NUAK1: variants seen among roughly 807,000 people sequenced by gnomAD.
NUAK1 encodes the protein NUAK family SNF1-like kinase 1.
Under a neutral mutation model 56.9 loss-of-function variants are expected in NUAK1, and 26 were observed. That is an observed-to-expected ratio of 0.46 (90% CI 0.33 to 0.63). NUAK1 has a LOEUF of 0.63. NUAK1 is among the 30% of genes least tolerant of loss of function. NUAK1 has a pLI of 0.02. For synonymous variants in NUAK1, 337 were observed against 336.0 expected (o/e 1.00, Z -0.03); for missense variants, 727 against 876.1 (o/e 0.83, Z 2.15).
chr12:106,068,971 G>A (rs1032648411), intron 6 of NUAK1, among the ~76,000 whole-genome samples: 2 of 152,174 alleles, frequency 1.3e-5, no homozygotes, highest in Admixed American at 6.5e-5. Flanking sequence ...GCCAGGAACC[G>A]CATTGGCATC....
At chr12:106,104,979 A>C (rs573811695) in intron 2 of NUAK1, among the ~76,000 whole-genome samples, 1 of 150,294 alleles carries the variant, frequency 6.7e-6, no homozygotes, top group East Asian at 2.0e-4. Context: ...TTTTAAACAG[A>C]GTCTCACTCT....
intron 1 of NUAK1, among the ~76,000 whole-genome samples, chr12:106,127,593 C>T (rs568988171): frequency 1.3e-5 from 2 of 152,246 alleles, no homozygotes; most frequent in Admixed American, 1.3e-4. Flanking sequence ...GCAGGGAAGG[C>T]GAGCAGACCT....
chr12:106,086,185 G>T (rs943089816), intron 3 of NUAK1, among the ~76,000 whole-genome samples: 1 of 152,102 alleles, frequency 6.6e-6, no homozygotes, highest in African/African-American at 2.4e-5. Context: ...GTCATAATCA[G>T]AAATTAGAAA....
At chr12:106,078,143 A>G (rs1592849636) in intron 4 of NUAK1, among the ~76,000 whole-genome samples, 1 of 152,192 alleles carries the variant, frequency 6.6e-6, no homozygotes, top group Admixed American at 6.6e-5. Flanking sequence ...AGGCAGGGGG[A>G]CTGCTTGAGG....
At position 106,065,839 on chromosome 12, in the gene NUAK1, T is replaced by A. The variant is rs2032331357; in HGVS notation, c.*963A>T. On this transcript the variant is annotated 3_prime_UTR_variant, in exon 7 of 7. Transcript: ENST00000261402. ...TCTTGTTGGTGTGCATCAACTTCCA[T>A]TCATCTGTGCAAAGATCACAGACCA... is the stretch of plus-strand genomic sequence containing the variant. 6.6e-6 allele frequency: 1 copy of A among 152,664 alleles called. No homozygotes were observed. Among genetic ancestry groups the A allele is most frequent in the Non-Finnish European group, 1.5e-5 (1 of 68,048 alleles). 9.5% of individuals were successfully genotyped at this position (152,664 alleles called of 1,614,324 possible).
intron 2 of NUAK1, among the ~76,000 whole-genome samples, chr12:106,090,819 C>G (rs1177094943): frequency 1.3e-5 from 2 of 152,190 alleles, no homozygotes; most frequent in East Asian, 1.9e-4. Flanking sequence ...AACCCTAAGA[C>G]TTTCCTCTCC....
intron 4 of NUAK1, among the ~76,000 whole-genome samples, chr12:106,074,559 C>T (rs1215843666): frequency 1.3e-5 from 2 of 152,110 alleles, no homozygotes; most frequent in Non-Finnish European, 2.9e-5. Flanking sequence ...AACCACAGTG[C>T]CACCCTGTCC....
intron 4 of NUAK1, among the ~76,000 whole-genome samples, chr12:106,077,790 C>T (rs2032478915): frequency 6.6e-6 from 1 of 152,206 alleles, no homozygotes; most frequent in African/African-American, 2.4e-5. Flanking sequence ...GTATAATACG[C>T]ACTTGCACAT....
intron 1 of NUAK1, among the ~76,000 whole-genome samples, chr12:106,132,329 A>G (rs1200297624): frequency 6.6e-6 from 1 of 152,212 alleles, no homozygotes; most frequent in Non-Finnish European, 1.5e-5. Context: ...CTCTCGCTCA[A>G]TGTATTCACT....
In NUAK1 at chr12:106,066,902, C is replaced by T. The variant is rs142652201; in HGVS notation, c.1886G>A (p.Arg629Gln). Residue 629 changes from arginine to glutamine, a missense_variant, in exon 7 of 7, where the codon CGG becomes CAG. Transcript: ENST00000261402. ...RPRPQYLKRYRNRLADSSFSL... is the reference protein window; with the variant it reads ...RPRPQYLKRYQNRLADSSFSL... ...GAAGCTGCTGTCTGCCAGCCGGTTC[C>T]GGTACCGCTTCAGGTACTGGGGCCG... is the stretch of plus-strand genomic sequence containing the variant. The T allele has an allele frequency of 3.3e-5, 54 of 1,614,230 alleles. No individual in the cohort carries two copies. The highest frequency in any genetic ancestry group is 1.6e-4 in the Middle Eastern group (1 of 6,062).
In NUAK1 at chr12:106,087,404, C is replaced by T. The variant is rs1344676719; in HGVS notation, c.362-519G>A. On this transcript the variant is annotated intron_variant, in intron 2 of 6. Coordinates refer to ENST00000261402, the MANE Select transcript of NUAK1 (RefSeq NM_014840.3). ...AAGTCGTGCACGATCCCATGGGCCC[C>T]TCTCAGCCCTACTACACACCCATTC... is the stretch of plus-strand genomic sequence containing the variant. Among the ~76,000 whole-genome samples, 8 of 152,202 alleles carry T rather than the reference C, an allele frequency of 5.3e-5. 1 individual carries two copies. The highest frequency in any genetic ancestry group is 1.2e-4 in the African/African-American group (5 of 41,452).
intron 1 of NUAK1, among the ~76,000 whole-genome samples, chr12:106,135,469 G>A (rs755477874): frequency 1.3e-5 from 2 of 152,160 alleles, no homozygotes; most frequent in Non-Finnish European, 2.9e-5. Context: ...TATTCAGAAG[G>A]TCCTTCCAGG....
At chr12:106,098,815 T>G (rs2032720388) in intron 2 of NUAK1, among the ~76,000 whole-genome samples, 2 of 152,180 alleles carry the variant, frequency 1.3e-5, no homozygotes, top group Non-Finnish European at 2.9e-5. Context: ...GCCTTTGATG[T>G]TTGAACTTCG....
intron 1 of NUAK1, among the ~76,000 whole-genome samples, chr12:106,135,632 G>T (rs1448496836): frequency 6.6e-6 from 1 of 152,124 alleles, no homozygotes. Context: ...AGTAAAACAC[G>T]TTAGAACCAC....
chr12:106,069,674 C>A (rs867485742), intron 6 of NUAK1, among the ~76,000 whole-genome samples: 1 of 152,180 alleles, frequency 6.6e-6, no homozygotes, highest in East Asian at 1.9e-4. Flanking sequence ...AGGAACCTAA[C>A]CCTCTATTTC....
In NUAK1 at chr12:106,138,018, C is replaced by G. The variant is rs2033145470; in HGVS notation, c.240+396G>C. Among the ~76,000 whole-genome samples, 1 of 152,122 alleles carries G rather than the reference C, an allele frequency of 6.6e-6. No homozygotes were observed. Among genetic ancestry groups the G allele is most frequent in the African/African-American group, 2.4e-5 (1 of 41,424 alleles). ...CCGGACTTGAGGGGCTAGCTCCTAGCTGGGAATGTGGTTCTTTGGAGAGTT... is the reference window on the plus strand; with the variant it reads ...CCGGACTTGAGGGGCTAGCTCCTAGGTGGGAATGTGGTTCTTTGGAGAGTT... On this transcript the variant is annotated intron_variant, in intron 1 of 6. Transcript: ENST00000261402. The surrounding 1 kb of genome is among the most constrained non-coding windows in gnomAD (Gnocchi z 5.0).
At chr12:106,079,826 G>T (rs780335743) in intron 4 of NUAK1, among the ~76,000 whole-genome samples, 2 of 152,096 alleles carry the variant, frequency 1.3e-5, no homozygotes, top group Non-Finnish European at 2.9e-5. Flanking sequence ...TCCTCCTCAC[G>T]GCTCATTATC....
chr12:106,082,068 G>A (rs912325626), intron 4 of NUAK1, among the ~76,000 whole-genome samples: 22 of 152,192 alleles, frequency 1.4e-4, no homozygotes, highest in African/African-American at 5.3e-4. Context: ...TCCCAGTATA[G>A]TAACAGTTAA....
intron 2 of NUAK1, among the ~76,000 whole-genome samples, chr12:106,096,259 C>T (rs2032696086): frequency 6.6e-6 from 1 of 152,088 alleles, no homozygotes; most frequent in Non-Finnish European, 1.5e-5. Context: ...GCAGGACAGC[C>T]TGGGAGTAGC....
Sources: allele counts gnomAD v4.1 joint callset (sites outside exome capture counted in the v4.1 genomes callset), GRCh38; gene constraint gnomAD v4.1.1; non-coding constraint Gnocchi (gnomAD v3.1); transcripts MANE v1.5; gene names NCBI Gene and HGNC (gene_info 2026-07-23, HGNC 2026-07-21).